The following PTPRM variants were observed in gnomAD, a reference collection of about 807,000 sequenced individuals.
PTPRM encodes protein tyrosine phosphatase receptor type M.
Under a neutral mutation model 186.7 loss-of-function variants are expected in PTPRM, and 47 were observed. The ratio of observed to expected loss-of-function variants is 0.25; its 90% confidence interval spans 0.20 to 0.32. The LOEUF is 0.32. Among genes scored for constraint, PTPRM ranks in the 10% least tolerant of loss-of-function variants. The probability of loss-of-function intolerance (pLI) is 1.00; values close to 1 mark genes in which losing one functional copy is unlikely to be tolerated. For synonymous variants in PTPRM, 668 were observed against 674.9 expected (o/e 0.99, Z 0.16); for missense variants, 1,494 against 1,865.0 (o/e 0.80, Z 3.66).
In PTPRM at chr18:7,909,027, G is replaced by A. The variant is rs115537018; in HGVS notation, c.547+2444G>A. Among the ~76,000 whole-genome samples the A allele has an allele frequency of 2.6e-3, 401 of 152,322 alleles. 3 individuals are homozygous for A. Among genetic ancestry groups the A allele is most frequent in the African/African-American group, 9.1e-3 (380 of 41,564 alleles). On this transcript the variant is annotated intron_variant, in intron 4 of 32. Transcript: ENST00000580170. ...TTCTTAGAGCAGAGCTCACGGCAAG[G>A]CAGATGTACTGGGTGCAGGTGTGGT...
chr18:7,810,673 G>A (rs1408982233), intron 2 of PTPRM, among the ~76,000 whole-genome samples: 1 of 152,114 alleles, frequency 6.6e-6, no homozygotes, highest in African/African-American at 2.4e-5. Context: ...TGCACTGTCT[G>A]TGAAGTTTGC....
At chr18:7,570,483 G>T (rs916135795) in intron 1 of PTPRM, among the ~76,000 whole-genome samples, 3 of 152,132 alleles carry the variant, frequency 2.0e-5, no homozygotes, top group African/African-American at 7.2e-5. Context: ...GATGTCACAG[G>T]CATTATTACT....
chr18:7,978,889 C>A (rs529082801), intron 7 of PTPRM, among the ~76,000 whole-genome samples: 21 of 152,074 alleles, frequency 1.4e-4, no homozygotes, highest in Admixed American at 3.9e-4. Flanking sequence ...ACATTTCTTT[C>A]CACCCTCAGA....
rs10541123 is a variant in PTPRM, at chr18:7,854,731, G to GTTT, written c.197-33359_197-33357dup. On this transcript the variant is annotated intron_variant, in intron 2 of 32. Coordinates refer to ENST00000580170, the MANE Select transcript of PTPRM (RefSeq NM_001105244.2). ...TTTTTAAACTTTTGAAATGTTAGGA[G>GTTT]TTTTTTTTTTTTTTTTTTACAACTG... Among the ~76,000 whole-genome samples the GTTT allele has an allele frequency of 4.5e-3, 640 of 141,958 alleles. 3 individuals carry two copies. Among genetic ancestry groups the GTTT allele is most frequent in the African/African-American group, 0.015 (601 of 38,842 alleles). The allele number at this position is 141,958 out of a possible 152,430, so 93.1% of individuals were successfully genotyped here. A position where few individuals can be genotyped will look rare whatever the true frequency, so the allele number is the denominator to read the frequency against.
At chr18:8,264,612 A>G (rs533194491) in intron 19 of PTPRM, among the ~76,000 whole-genome samples, 11 of 152,076 alleles carry the variant, frequency 7.2e-5, no homozygotes, top group African/African-American at 2.4e-4. Context: ...CTACTAAAAT[A>G]CAAAAAATTA....
chr18:7,723,517 A>C (rs1391085351), intron 1 of PTPRM, among the ~76,000 whole-genome samples: 1 of 152,112 alleles, frequency 6.6e-6, no homozygotes, highest in Non-Finnish European at 1.5e-5. Flanking sequence ...GTGTCTAAGA[A>C]TGAGACCTCC....
chr18:8,368,689 G>T (rs540814891), intron 23 of PTPRM, among the ~76,000 whole-genome samples: 1 of 152,284 alleles, frequency 6.6e-6, no homozygotes, highest in Non-Finnish European at 1.5e-5. Flanking sequence ...TGCACCTCAG[G>T]GGGTTGGCAT....
intron 13 of PTPRM, among the ~76,000 whole-genome samples, chr18:8,123,984 G>A (rs746614032): frequency 1.8e-4 from 27 of 152,156 alleles, no homozygotes; most frequent in African/African-American, 4.8e-4. Flanking sequence ...TGAAGTAAGC[G>A]AGGCTTCTGA....
intron 1 of PTPRM, among the ~76,000 whole-genome samples, chr18:7,577,379 C>T (rs1341163188): frequency 6.6e-6 from 1 of 152,088 alleles, no homozygotes; most frequent in African/African-American, 2.4e-5. Flanking sequence ...TTTATCATGA[C>T]TGTACTCTAG....
At chr18:8,380,852 G>A (rs1183612203) in intron 29 of PTPRM, among the ~76,000 whole-genome samples, 1 of 152,186 alleles carries the variant, frequency 6.6e-6, no homozygotes, top group African/African-American at 2.4e-5. Context: ...TTCCTGGAGT[G>A]ACTGTGTGCT....
chr18:8,376,236 A>G (rs1321816900), intron 25 of PTPRM, 36 bp downstream of exon 25: 2 of 1,600,546 alleles, frequency 1.2e-6, no homozygotes, highest in Non-Finnish European at 8.5e-7. Flanking sequence ...AAGGAAACGC[A>G]GTGGGTGATG....
At position 8,311,266 on chromosome 18, in the gene PTPRM, G is replaced by A. The variant is rs187951491; in HGVS notation, c.2843-3515G>A. On this transcript the variant is annotated intron_variant, in intron 20 of 32. Transcript: ENST00000580170. ...AGAGGTTGCAATGAGCCGAGATCGC[G>A]CCATTGCACTTTAGCCTGAGCAAAA... is the stretch of plus-strand genomic sequence containing the variant. Among the ~76,000 whole-genome samples, 208 of 151,456 alleles carry A rather than the reference G, an allele frequency of 1.4e-3. 2 individuals carry two copies. The highest frequency in any genetic ancestry group is 3.7e-3 in the Admixed American group (56 of 15,210).
At chr18:7,860,379 T>G (rs1233037467) in intron 2 of PTPRM, among the ~76,000 whole-genome samples, 1 of 152,120 alleles carries the variant, frequency 6.6e-6, no homozygotes, top group Non-Finnish European at 1.5e-5. Context: ...ATTCTGCCAG[T>G]TTTTTAAGTT....
At chr18:8,036,206 G>C (rs1263374659) in intron 7 of PTPRM, among the ~76,000 whole-genome samples, 1 of 152,190 alleles carries the variant, frequency 6.6e-6, no homozygotes, top group African/African-American at 2.4e-5. Context: ...TATTGTGTTT[G>C]GTTTCAAAGT....
At chr18:7,643,182 G>A (rs1305895263) in intron 1 of PTPRM, among the ~76,000 whole-genome samples, 1 of 151,988 alleles carries the variant, frequency 6.6e-6, no homozygotes, top group Non-Finnish European at 1.5e-5. Flanking sequence ...GGTATTGGCT[G>A]GGTGCTCTCT....
chr18:7,966,727 C>T (rs1436872922), intron 7 of PTPRM, among the ~76,000 whole-genome samples: 2 of 145,166 alleles, frequency 1.4e-5, no homozygotes, highest in South Asian at 2.3e-4. Context: ...CACTCCCACC[C>T]GAATACTGCG....
chr18:7,876,245 T>C (rs527261682), intron 2 of PTPRM, among the ~76,000 whole-genome samples: 1 of 152,318 alleles, frequency 6.6e-6, no homozygotes, highest in African/African-American at 2.4e-5. Flanking sequence ...GTTATCCTTT[T>C]TTAAATCACA....
At chr18:7,693,188 A>G (rs2039771602) in intron 1 of PTPRM, among the ~76,000 whole-genome samples, 1 of 152,190 alleles carries the variant, frequency 6.6e-6, no homozygotes, top group African/African-American at 2.4e-5. Context: ...AGGGAGACTG[A>G]TCTACATGAA....
intron 2 of PTPRM, among the ~76,000 whole-genome samples, chr18:7,878,364 A>G (rs912730821): frequency 2.4e-4 from 36 of 152,266 alleles, no homozygotes; most frequent in African/African-American, 7.7e-4. Flanking sequence ...AATTTTGACC[A>G]TTCCTTCTTT....
Sources: allele counts gnomAD v4.1 joint callset (sites outside exome capture counted in the v4.1 genomes callset), GRCh38; gene constraint gnomAD v4.1.1; transcripts MANE v1.5; gene names NCBI Gene and HGNC (gene_info 2026-07-23, HGNC 2026-07-21).